PARD3B: variants seen among roughly 807,000 people sequenced by gnomAD.
PARD3B encodes par-3 family cell polarity regulator beta.
PARD3B carries 103 observed loss-of-function variants against 130.2 expected under a neutral mutation model. The observed-to-expected ratio is 0.79, with a 90% CI of 0.67 to 0.93. The LOEUF (loss-of-function observed/expected upper bound fraction) is 0.93. PARD3B is among the 40% of genes least tolerant of loss of function. PARD3B has a pLI of 0.00. For synonymous variants in PARD3B, 583 were observed against 553.2 expected (o/e 1.05, Z -0.76); for missense variants, 1,609 against 1,499.2 (o/e 1.07, Z -1.21).
intron 1 of PARD3B, among the ~76,000 whole-genome samples, chr2:204,564,375 G>A (rs2031543321): frequency 1.3e-5 from 2 of 152,188 alleles, no homozygotes; most frequent in Non-Finnish European, 2.9e-5. Flanking sequence ...AGTAGAGGAT[G>A]AGGGAGAGTG....
intron 1 of PARD3B, among the ~76,000 whole-genome samples, chr2:204,576,592 A>G (rs2032272412): frequency 6.6e-6 from 1 of 152,104 alleles, no homozygotes; most frequent in Non-Finnish European, 1.5e-5. Context: ...GTGGTTCTCA[A>G]CCTGACAGCA....
chr2:204,928,305 G>A (rs764609878), intron 2 of PARD3B, among the ~76,000 whole-genome samples: 1 of 152,066 alleles, frequency 6.6e-6, no homozygotes, highest in Non-Finnish European at 1.5e-5. Flanking sequence ...AGAGGCCTCG[G>A]TTTAGAATGG....
intron 15 of PARD3B, among the ~76,000 whole-genome samples, chr2:205,214,370 T>C (rs1289157465): frequency 2.0e-5 from 3 of 151,918 alleles, no homozygotes; most frequent in Non-Finnish European, 4.4e-5. Flanking sequence ...TACATTAGTA[T>C]AGAGCAATTT....
intron 15 of PARD3B, among the ~76,000 whole-genome samples, chr2:205,240,686 G>T (rs1406498632): frequency 6.6e-6 from 1 of 152,128 alleles, no homozygotes; most frequent in African/African-American, 2.4e-5. Flanking sequence ...AGCATCTGGG[G>T]CCCATTAACT....
chr2:205,082,394 T>C (rs1054826132), intron 4 of PARD3B, among the ~76,000 whole-genome samples: 1 of 152,186 alleles, frequency 6.6e-6, no homozygotes, highest in African/African-American at 2.4e-5. Flanking sequence ...ATAGAACAAT[T>C]ATAGCAATGT....
In PARD3B at chr2:205,606,127, C is replaced by G. The variant is rs780976798; in HGVS notation, c.3261-9329C>G. Among the ~76,000 whole-genome samples the G allele has an allele frequency of 3.3e-5, 5 of 152,110 alleles. No individual in the cohort carries two copies. The South Asian group carries it at 1.0e-3, about 32-fold the overall frequency. On this transcript the variant is annotated intron_variant, in intron 22 of 22. Transcript: ENST00000406610. ...CAGGGGAAAAATGGCAGACTGGAGCCACAGTGATGACAGCCACCCCTCCCC... is the reference window on the plus strand; with the variant it reads ...CAGGGGAAAAATGGCAGACTGGAGCGACAGTGATGACAGCCACCCCTCCCC...
chr2:204,928,434 G>A (rs991172530), intron 2 of PARD3B, among the ~76,000 whole-genome samples: 1 of 152,084 alleles, frequency 6.6e-6, no homozygotes, highest in Admixed American at 6.6e-5. Context: ...CATTGCAAAG[G>A]GAAAGACTAC....
chr2:205,336,146 A>G lies in PARD3B; in HGVS notation c.2630+34445A>G, dbSNP rs369869480. Among the ~76,000 whole-genome samples, 136 of 152,278 alleles carry G rather than the reference A, an allele frequency of 8.9e-4. 1 individual carries two copies. Among genetic ancestry groups the G allele is most frequent in the African/African-American group, 3.1e-3 (127 of 41,568 alleles). On this transcript the variant is annotated intron_variant, in intron 18 of 22. Coordinates refer to ENST00000406610, the MANE Select transcript of PARD3B (RefSeq NM_001302769.2). Reference sequence around the variant, plus strand: ...TGGGATTACAGGTGTGAGCCACCGCATCCAGCCAACCCTTCTCTTTAATTA... The same window carrying G: ...TGGGATTACAGGTGTGAGCCACCGCGTCCAGCCAACCCTTCTCTTTAATTA...
Position 205,616,228 on chromosome 2 carries a change from C to CCG in PARD3B, c.*415_*416insCG. On this transcript the variant is annotated 3_prime_UTR_variant, in exon 23 of 23. Coordinates refer to ENST00000406610, the MANE Select transcript of PARD3B (RefSeq NM_001302769.2). ...CGGTCCAGAGGCAGTCTCTGCCAGG[C>CCG]AGCATTACCCGCTCCGAGGTGGAGC... 2 of 171,320 alleles carry CCG rather than the reference C, an allele frequency of 1.2e-5. No individual in the cohort carries two copies. Among genetic ancestry groups the CCG allele is most frequent in the Admixed American group, 6.0e-5 (1 of 16,654 alleles). 10.6% of individuals were successfully genotyped at this position (171,320 alleles called of 1,614,324 possible).
chr2:205,070,475 T>C (rs1700655346), intron 4 of PARD3B, among the ~76,000 whole-genome samples: 1 of 152,100 alleles, frequency 6.6e-6, no homozygotes, highest in Non-Finnish European at 1.5e-5. Flanking sequence ...GCAGGTCATT[T>C]TGCATGAATT....
intron 22 of PARD3B, among the ~76,000 whole-genome samples, chr2:205,571,792 C>T (rs548455823): frequency 1.3e-5 from 2 of 152,352 alleles, no homozygotes; most frequent in East Asian, 3.9e-4. Context: ...TCCCCAGTGC[C>T]TAAGTCACTC....
chr2:204,703,839 T>C lies in PARD3B; in HGVS notation c.222+17557T>C, dbSNP rs540473339. On this transcript the variant is annotated intron_variant, in intron 2 of 22. Coordinates refer to ENST00000406610, the MANE Select transcript of PARD3B (RefSeq NM_001302769.2). ...TATAAAGAAAATTCATATTTTATGGTAGTAAATTAGATGCCACAATGTAGG... is the reference window on the plus strand; with the variant it reads ...TATAAAGAAAATTCATATTTTATGGCAGTAAATTAGATGCCACAATGTAGG... Among the ~76,000 whole-genome samples, 190 of 152,276 alleles carry C rather than the reference T, an allele frequency of 1.2e-3. 1 individual carries two copies. The highest frequency in any genetic ancestry group is 4.5e-3 in the African/African-American group (185 of 41,568).
At position 205,563,890 on chromosome 2, in the gene PARD3B, A is replaced by T. The variant is rs2053228495; in HGVS notation, c.3260+10487A>T. On this transcript the variant is annotated intron_variant, in intron 22 of 22. Coordinates refer to ENST00000406610, the MANE Select transcript of PARD3B (RefSeq NM_001302769.2). This position sits in a 1 kb window ranked among gnomAD's most constrained non-coding sequence, Gnocchi z 4.2. ...TGCATGGACCAGGTCCCCAGCCCCT[A>T]GATTGCACTCTGCACCACTCCTCCA... is the stretch of plus-strand genomic sequence containing the variant. Among the ~76,000 whole-genome samples, 1 of 152,176 alleles carries T rather than the reference A, an allele frequency of 6.6e-6. No homozygotes were observed. The highest frequency in any genetic ancestry group is 1.5e-5 in the Non-Finnish European group (1 of 68,036).
rs537016314 is a variant in PARD3B, at chr2:204,941,611, G to A, written c.223-23541G>A. ...CTCATTATAAATTCCTCAAGGTAATGTTGGAGTTCTTTGTGCTGTAGGGTT... is the reference window on the plus strand; with the variant it reads ...CTCATTATAAATTCCTCAAGGTAATATTGGAGTTCTTTGTGCTGTAGGGTT... On this transcript the variant is annotated intron_variant, in intron 2 of 22. Coordinates refer to ENST00000406610, the MANE Select transcript of PARD3B (RefSeq NM_001302769.2). 3.3e-5 allele frequency among the ~76,000 whole-genome samples: 5 copies of A among 152,260 alleles called. No homozygotes were observed. The South Asian group carries it at 1.0e-3, about 32-fold the overall frequency.
chr2:205,043,599 G>T (rs1698537964), intron 3 of PARD3B, among the ~76,000 whole-genome samples: 1 of 152,062 alleles, frequency 6.6e-6, no homozygotes. Flanking sequence ...CACTGTAGAG[G>T]TTATGTTTCC....
intron 4 of PARD3B, among the ~76,000 whole-genome samples, chr2:205,090,539 G>A (rs1479919731): frequency 6.6e-6 from 1 of 152,162 alleles, no homozygotes; most frequent in Non-Finnish European, 1.5e-5. Flanking sequence ...CCTCTGCTAG[G>A]GAGTATGGTG....
chr2:205,166,482 T>C (rs528913691), intron 11 of PARD3B, among the ~76,000 whole-genome samples: 2 of 152,214 alleles, frequency 1.3e-5, no homozygotes, highest in Non-Finnish European at 2.9e-5. Flanking sequence ...AGAATGGACC[T>C]CTTCACATAA....
chr2:204,601,131 G>A (rs181476981), intron 1 of PARD3B, among the ~76,000 whole-genome samples: 6 of 151,772 alleles, frequency 4.0e-5, no homozygotes, highest in Admixed American at 2.6e-4. Context: ...ATATAACCTC[G>A]TTTTCTACTC....
At chr2:205,156,779 ATT>A (rs1264754218) in intron 10 of PARD3B, among the ~76,000 whole-genome samples, 1 of 152,206 alleles carries the variant, frequency 6.6e-6, no homozygotes, top group African/African-American at 2.4e-5. Context: ...CCTCTAGTAT[ATT>A]GTTTCTGTTG....
Sources: allele counts gnomAD v4.1 joint callset (sites outside exome capture counted in the v4.1 genomes callset), GRCh38; gene constraint gnomAD v4.1.1; non-coding constraint Gnocchi (gnomAD v3.1); transcripts MANE v1.5; gene names NCBI Gene and HGNC (gene_info 2026-07-23, HGNC 2026-07-21).